Variants in KCNH8 observed in about 807,000 individuals in gnomAD.
KCNH8 encodes voltage-gated delayed rectifier potassium channel KCNH8.
KCNH8 carries 70 observed loss-of-function variants against 103.6 expected under a neutral mutation model. The observed-to-expected ratio is 0.68, with a 90% CI of 0.56 to 0.82. KCNH8 has a LOEUF of 0.82. Ranked by LOEUF, KCNH8 falls within the 40% of genes least tolerant of loss-of-function variation. The pLI is 0.00. For missense variants in KCNH8, 1,217 were observed against 1,329.9 expected (o/e 0.92, Z 1.32); for synonymous variants, 498 against 489.4 (o/e 1.02, Z -0.23).
chr3:19,486,428 A>C (rs779436716), intron 11 of KCNH8, among the ~76,000 whole-genome samples: 1 of 152,220 alleles, frequency 6.6e-6, no homozygotes, highest in Admixed American at 6.5e-5. Context: ...CTTTTGCCCA[A>C]GGGTTAGTTT....
chr3:19,515,682 C>T (rs545683295), intron 14 of KCNH8, among the ~76,000 whole-genome samples: 1 of 152,060 alleles, frequency 6.6e-6, no homozygotes, highest in African/African-American at 2.4e-5. Context: ...TGCCAGGAGA[C>T]TCAAATTTCT....
chr3:19,474,530 G>C (rs559366087), intron 11 of KCNH8, among the ~76,000 whole-genome samples: 4 of 152,308 alleles, frequency 2.6e-5, no homozygotes, highest in African/African-American at 9.6e-5. Flanking sequence ...TCGAAATTAT[G>C]AATGTGAAGG....
Position 19,364,855 on chromosome 3 carries a change from C to G in KCNH8, c.811+16890C>G, listed in dbSNP as rs1025719349. ...TCACGTATTGCTTCATTAGGCTTTT[C>G]AGAATTCACTATGGGAAGATGAAAC... On this transcript the variant is annotated intron_variant, in intron 5 of 15. Coordinates refer to ENST00000328405, the MANE Select transcript of KCNH8 (RefSeq NM_144633.3). Among the ~76,000 whole-genome samples, 6 of 152,108 alleles carry G rather than the reference C, an allele frequency of 3.9e-5. No homozygotes were observed. The South Asian group carries it at 6.2e-4, about 16-fold the overall frequency.
chr3:19,197,871 GAAAT>G, intron 1 of KCNH8, among the ~76,000 whole-genome samples: 1 of 151,964 alleles, frequency 6.6e-6, no homozygotes, highest in Non-Finnish European at 1.5e-5. Context: ...TTTGTGGAAA[GAAAT>G]AATTTTTTAA....
intron 5 of KCNH8, among the ~76,000 whole-genome samples, chr3:19,367,542 C>T (rs1322167880): frequency 6.7e-6 from 1 of 149,912 alleles, no homozygotes; most frequent in Non-Finnish European, 1.5e-5. Flanking sequence ...TTTCAAATTC[C>T]ACCAACAAAT....
chr3:19,288,346 A>G (rs1478985952), intron 3 of KCNH8, among the ~76,000 whole-genome samples: 4 of 151,720 alleles, frequency 2.6e-5, no homozygotes, highest in African/African-American at 7.3e-5. Context: ...GTCATTTAAC[A>G]TTAGGTATAT....
At chr3:19,485,641 T>A (rs1027170592) in intron 11 of KCNH8, among the ~76,000 whole-genome samples, 2 of 152,116 alleles carry the variant, frequency 1.3e-5, no homozygotes, top group Non-Finnish European at 2.9e-5. Flanking sequence ...ATGGAAAAAG[T>A]CTTTTTCTTC....
chr3:19,290,479 G>T (rs1225770459), intron 3 of KCNH8, among the ~76,000 whole-genome samples: 1 of 152,140 alleles, frequency 6.6e-6, no homozygotes, highest in Non-Finnish European at 1.5e-5. Context: ...TTTGTCAAAG[G>T]CCTTTTCTGC....
intron 1 of KCNH8, among the ~76,000 whole-genome samples, chr3:19,186,032 T>G (rs1319291222): frequency 6.6e-6 from 1 of 151,966 alleles, no homozygotes; most frequent in Non-Finnish European, 1.5e-5. Context: ...TAGTGTCTCA[T>G]GGAAAATAGG....
At chr3:19,510,280 T>G (rs1361492795) in intron 11 of KCNH8, 83 bp from the exon 12 acceptor site, 10 of 839,292 alleles carry the variant, frequency 1.2e-5, no homozygotes, top group Admixed American at 5.5e-5. Flanking sequence ...TACATACTTC[T>G]CTTTCCTCTG....
intron 3 of KCNH8, among the ~76,000 whole-genome samples, chr3:19,292,964 T>TA (rs1344794360): frequency 1.3e-5 from 2 of 152,178 alleles, no homozygotes; most frequent in Non-Finnish European, 2.9e-5. Context: ...GGAATGCCAA[T>TA]AAATCAAGGT....
chr3:19,311,782 C>T (rs900099811), intron 3 of KCNH8, among the ~76,000 whole-genome samples: 2 of 151,844 alleles, frequency 1.3e-5, no homozygotes, highest in African/African-American at 4.8e-5. Context: ...TTATGAGATG[C>T]GGACATACAT....
At chr3:19,308,250 C>G (rs1371155547) in intron 3 of KCNH8, among the ~76,000 whole-genome samples, 1 of 150,454 alleles carries the variant, frequency 6.6e-6, no homozygotes, top group Non-Finnish European at 1.5e-5. Flanking sequence ...TATAAATTTT[C>G]TATGACATAA....
intron 1 of KCNH8, among the ~76,000 whole-genome samples, chr3:19,190,391 C>G (rs77891781): frequency 0.012 from 1,882 of 151,976 alleles, 42 homozygotes; most frequent in African/African-American, 0.043. Flanking sequence ...CTATTCTTGG[C>G]TAGTCAAGGC....
intron 1 of KCNH8, among the ~76,000 whole-genome samples, chr3:19,186,239 A>G (rs1193603031): frequency 6.6e-6 from 1 of 150,794 alleles, no homozygotes; most frequent in Non-Finnish European, 1.5e-5. Flanking sequence ...ACAGGAGTGT[A>G]TTCTCCCATA....
chr3:19,409,694 A>T (rs1027330572), intron 7 of KCNH8, among the ~76,000 whole-genome samples: 12 of 152,270 alleles, frequency 7.9e-5, no homozygotes, highest in Admixed American at 4.6e-4. Flanking sequence ...GAAAACAAAA[A>T]ACAAAGAGTC....
chr3:19,185,886 A>G (rs1471072209), intron 1 of KCNH8, among the ~76,000 whole-genome samples: 1 of 151,884 alleles, frequency 6.6e-6, no homozygotes, highest in Non-Finnish European at 1.5e-5. Flanking sequence ...TTTCCTCATG[A>G]TTTGCATTCT....
chr3:19,345,629 CA>C (rs1411003975), intron 4 of KCNH8, among the ~76,000 whole-genome samples: 2 of 151,818 alleles, frequency 1.3e-5, no homozygotes, highest in East Asian at 3.9e-4. Flanking sequence ...AATTGTGTAC[CA>C]TTTTTTTTTA....
At chr3:19,395,028 A>G in intron 6 of KCNH8, 76 bp from the exon 7 acceptor site, 1 of 1,033,692 alleles carries the variant, frequency 9.7e-7, no homozygotes, top group Non-Finnish European at 1.5e-6. Flanking sequence ...CAGAATTTTT[A>G]GAATGGCTCC....
Sources: gnomAD v4.1 joint callset for allele counts (sites outside exome capture counted in the v4.1 genomes callset) on GRCh38, gnomAD v4.1.1 for gene constraint, MANE v1.5 for transcripts, NCBI Gene and HGNC (gene_info 2026-07-23, HGNC 2026-07-21) for gene names.